The following MYT1L variants were observed in gnomAD, a reference collection of about 807,000 sequenced individuals.
MYT1L encodes the protein myelin transcription factor 1 like.
MYT1L carries 12 observed loss-of-function variants against 126.7 expected under a neutral mutation model. The observed-to-expected ratio is 0.09, with a 90% CI of 0.06 to 0.15. The LOEUF is 0.15. MYT1L is among the 10% of genes least tolerant of loss of function. The pLI, the probability that MYT1L is intolerant of heterozygous loss-of-function variation, is 1.00. For missense variants in MYT1L, 979 were observed against 1,585.2 expected (o/e 0.62, Z 6.49); for synonymous variants, 541 against 604.2 (o/e 0.90, Z 1.53).
At chr2:2,046,081 G>A (rs2068143446) in intron 4 of MYT1L, among the ~76,000 whole-genome samples, 1 of 152,112 alleles carries the variant, frequency 6.6e-6, no homozygotes, top group South Asian at 2.1e-4. Context: ...ATTTTAAAAA[G>A]GAATGCACAT....
intron 3 of MYT1L, among the ~76,000 whole-genome samples, chr2:2,069,423 T>C (rs558341861): frequency 1.8e-4 from 28 of 152,310 alleles, no homozygotes; most frequent in Non-Finnish European, 3.5e-4. Context: ...TATGGCTGCA[T>C]AGTATTCATG....
At chr2:1,886,660 CCAAA>C (rs1386187927) in intron 17 of MYT1L, 53 bp from the exon 18 acceptor site, 26 of 1,256,792 alleles carry the variant, frequency 2.1e-5, no homozygotes, top group South Asian at 3.6e-5. Context: ...CGCGTAACTC[CCAAA>C]CAAACACAAC....
intron 2 of MYT1L, among the ~76,000 whole-genome samples, chr2:2,223,969 C>T (rs922013112): frequency 3.3e-5 from 5 of 152,206 alleles, no homozygotes; most frequent in Middle Eastern, 3.4e-3. Context: ...CTGCTGAGGT[C>T]GGTGGGCCCT....
intron 2 of MYT1L, among the ~76,000 whole-genome samples, chr2:2,189,348 A>G (rs924357550): frequency 1.3e-5 from 2 of 152,108 alleles, no homozygotes; most frequent in African/African-American, 4.8e-5. Flanking sequence ...GTCTTCCCTC[A>G]TGCAACTACA....
intron 14 of MYT1L, among the ~76,000 whole-genome samples, chr2:1,894,628 A>G (rs552021502): frequency 1.4e-3 from 207 of 150,392 alleles, no homozygotes; most frequent in Middle Eastern, 6.8e-3. Context: ...TAAAAAAAAT[A>G]ACACTTTTGT....
intron 9 of MYT1L, among the ~76,000 whole-genome samples, chr2:1,927,025 C>G (rs1193577427): frequency 6.6e-6 from 1 of 152,050 alleles, no homozygotes; most frequent in Admixed American, 6.5e-5. Context: ...TTTTGGTTTT[C>G]TATTTTAAAT....
At chr2:1,809,188 G>A (rs755471975) in intron 21 of MYT1L, 21 bp from the exon 22 acceptor site, 16 of 1,609,922 alleles carry the variant, frequency 9.9e-6, no homozygotes, top group Middle Eastern at 1.7e-4. Flanking sequence ...GACACAGGAC[G>A]GCCATTAGTC....
Position 2,237,353 on chromosome 2 carries a change from A to G in MYT1L, c.-421+47051T>C, listed in dbSNP as rs549511794. On this transcript the variant is annotated intron_variant, in intron 2 of 24. Coordinates refer to ENST00000647738, the MANE Select transcript of MYT1L (RefSeq NM_001303052.2). Reference sequence around the variant, plus strand: ...AATGTGAAACATCTTTACCTTGCACAAGCCAAGTTGAAACCAGGGCAGGAG... The same window carrying G: ...AATGTGAAACATCTTTACCTTGCACGAGCCAAGTTGAAACCAGGGCAGGAG... Among the ~76,000 whole-genome samples, 3 of 152,222 alleles carry G rather than the reference A, an allele frequency of 2.0e-5. No homozygotes were observed. The East Asian group carries it at 5.8e-4, about 30-fold the overall frequency.
intron 2 of MYT1L, among the ~76,000 whole-genome samples, chr2:2,229,447 T>C (rs920331622): frequency 6.6e-6 from 1 of 152,136 alleles, no homozygotes; most frequent in Non-Finnish European, 1.5e-5. Context: ...TTTCTTTCTT[T>C]TTTTTTTGTG....
At chr2:2,219,055 T>C (rs1217264936) in intron 2 of MYT1L, among the ~76,000 whole-genome samples, 1 of 152,164 alleles carries the variant, frequency 6.6e-6, no homozygotes, top group African/African-American at 2.4e-5. Context: ...GTTTTCTACT[T>C]TAGTGGAAGG....
intron 2 of MYT1L, among the ~76,000 whole-genome samples, chr2:2,245,528 T>A (rs921343043): frequency 6.6e-6 from 1 of 152,058 alleles, no homozygotes; most frequent in African/African-American, 2.4e-5. Context: ...CAAAGTGTAA[T>A]GACAAAAGAA....
At chr2:1,854,861 G>A (rs1488894054) in intron 18 of MYT1L, among the ~76,000 whole-genome samples, 1 of 152,182 alleles carries the variant, frequency 6.6e-6, no homozygotes, top group Non-Finnish European at 1.5e-5. Context: ...ATAGGTTCCT[G>A]TGAACGCCAC....
At chr2:2,012,526 T>C (rs1357851358) in intron 4 of MYT1L, among the ~76,000 whole-genome samples, 2 of 152,220 alleles carry the variant, frequency 1.3e-5, no homozygotes, top group African/African-American at 4.8e-5. Context: ...GTTGACTGGG[T>C]GATACTTGTT....
At chr2:2,183,092 C>A (rs2091713616) in intron 2 of MYT1L, among the ~76,000 whole-genome samples, 1 of 152,078 alleles carries the variant, frequency 6.6e-6, no homozygotes, top group Non-Finnish European at 1.5e-5. Flanking sequence ...ATCTCCTGGA[C>A]AGAAAACAGT....
At chr2:1,800,034 A>G (rs551951283) in intron 23 of MYT1L, 2 of 152,328 alleles carry the variant, frequency 1.3e-5, no homozygotes, top group East Asian at 1.9e-4. Flanking sequence ...CATTAAACGC[A>G]TTTCCTTTAT....
At chr2:1,866,974 GA>G (rs1573014318) in intron 18 of MYT1L, among the ~76,000 whole-genome samples, 8 of 96,362 alleles carry the variant, frequency 8.3e-5, no homozygotes, top group African/African-American at 3.9e-4. Context: ...AGAGAGGGAG[GA>G]GAGAGAGAGA....
chr2:2,210,768 C>T (rs746680152), intron 2 of MYT1L, among the ~76,000 whole-genome samples: 1 of 151,988 alleles, frequency 6.6e-6, no homozygotes, highest in Admixed American at 6.6e-5. Flanking sequence ...GTGAAAAATG[C>T]CATTGGTATC....
intron 2 of MYT1L, among the ~76,000 whole-genome samples, chr2:2,182,652 G>A (rs1224033303): frequency 6.6e-6 from 1 of 152,158 alleles, no homozygotes; most frequent in African/African-American, 2.4e-5. Context: ...CACAGCATGC[G>A]CTTTGCAGCT....
intron 3 of MYT1L, among the ~76,000 whole-genome samples, chr2:2,087,588 G>GT (rs1273348767): frequency 6.6e-6 from 1 of 152,262 alleles, no homozygotes; most frequent in East Asian, 1.9e-4. Flanking sequence ...CTTTTCAAAA[G>GT]TATTTTAGAA....
Sources: allele counts gnomAD v4.1 joint callset (sites outside exome capture counted in the v4.1 genomes callset), GRCh38; gene constraint gnomAD v4.1.1; transcripts MANE v1.5; gene names NCBI Gene and HGNC (gene_info 2026-07-23, HGNC 2026-07-21).